Variants in DNAJA1 observed in about 807,000 individuals in gnomAD.
DNAJA1 encodes dnaJ homolog subfamily A member 1.
DNAJA1 carries 26 observed loss-of-function variants against 47.6 expected under a neutral mutation model. The ratio of observed to expected loss-of-function variants is 0.55; its 90% CI spans 0.40 to 0.76. The LOEUF (loss-of-function observed/expected upper bound fraction) is 0.76, where lower values mean the gene tolerates loss of function less well. Among genes scored for constraint, DNAJA1 ranks in the 30% least tolerant of loss-of-function variants. The probability of loss-of-function intolerance (pLI) is 0.00; values close to 1 mark genes in which losing one functional copy is unlikely to be tolerated. For missense variants in DNAJA1, 315 were observed against 485.0 expected (o/e 0.65, Z 3.29); for synonymous variants, 165 against 158.4 (o/e 1.04, Z -0.31).
chr9:33,036,752 TAAC>T, intron 7 of DNAJA1, 63 bp downstream of exon 7: 1 of 1,261,648 alleles, frequency 7.9e-7, no homozygotes, highest in East Asian at 2.4e-5. Flanking sequence ...TGTCTCCTGT[TAAC>T]AAAGTGTAGT....
intron 5 of DNAJA1, among the ~76,000 whole-genome samples, 190 bp from the exon 6 acceptor site, chr9:33,034,026 T>C (rs1016882615): frequency 6.6e-6 from 1 of 152,190 alleles, no homozygotes; most frequent in South Asian, 2.1e-4. Flanking sequence ...GCTAGTCTCT[T>C]TGCCTCTGGA....
intron 3 of DNAJA1, among the ~76,000 whole-genome samples, chr9:33,027,973 T>C (rs1034833774): frequency 1.5e-5 from 2 of 135,784 alleles, no homozygotes; most frequent in Admixed American, 8.7e-5. Flanking sequence ...TGCAGTGAGC[T>C]GAGATCGCCC....
intron 8 of DNAJA1, among the ~76,000 whole-genome samples, chr9:33,038,336 T>C (rs1024088716): frequency 6.6e-6 from 1 of 152,182 alleles, no homozygotes; most frequent in Non-Finnish European, 1.5e-5. Flanking sequence ...AACTACCCTT[T>C]TGAGAGTAAG....
At chr9:33,026,665 G>A in intron 2 of DNAJA1, 49 bp downstream of exon 2, 1 of 1,576,020 alleles carries the variant, frequency 6.3e-7, no homozygotes, top group South Asian at 1.2e-5. Flanking sequence ...TTTGCCAGAC[G>A]TATAGTATTT....
intron 4 of DNAJA1, among the ~76,000 whole-genome samples, 179 bp downstream of exon 4, chr9:33,030,168 A>G (rs10971344): frequency 0.07 from 10,715 of 152,244 alleles, 512 homozygotes; most frequent in Non-Finnish European, 0.11. Context: ...ACCTAAAGAA[A>G]TATCAGCACT....
At chr9:33,031,788 A>G (rs2119386741) in intron 5 of DNAJA1, among the ~76,000 whole-genome samples, 1 of 152,278 alleles carries the variant, frequency 6.6e-6, no homozygotes, top group Non-Finnish European at 1.5e-5. Flanking sequence ...CCCATCTATT[A>G]TATTTAAATG....
At chr9:33,026,326 AT>A in intron 1 of DNAJA1, 148 bp from the exon 2 acceptor site, 1 of 702,668 alleles carries the variant, frequency 1.4e-6, no homozygotes, top group Admixed American at 3.8e-5. Context: ...TAGCTGAATT[AT>A]CGCAGGAATT....
intron 5 of DNAJA1, 119 bp downstream of exon 5, chr9:33,030,786 A>T (rs1838948767): frequency 1.1e-6 from 1 of 905,750 alleles, no homozygotes. Flanking sequence ...TCAATCAGAA[A>T]TAACTCTTAG....
intron 3 of DNAJA1, 115 bp from the exon 4 acceptor site, chr9:33,029,770 T>C: frequency 1.4e-6 from 1 of 735,990 alleles, no homozygotes; most frequent in South Asian, 1.9e-5. Context: ...AGTCAACAGA[T>C]GTACCCTGTG....
At chr9:33,029,470 G>C (rs4879659) in intron 3 of DNAJA1, among the ~76,000 whole-genome samples, 38,284 of 152,166 alleles carry the variant, frequency 0.25, 4,940 homozygotes, top group Middle Eastern at 0.31. Context: ...AGAATTTTTG[G>C]ATGAAGTAAT....
chr9:33,030,201 A>G (rs542685908), intron 4 of DNAJA1, among the ~76,000 whole-genome samples: 17 of 152,200 alleles, frequency 1.1e-4, no homozygotes, highest in Admixed American at 2.0e-4. Flanking sequence ...TATTTTAAAT[A>G]CAGTTGGGAT....
At chr9:33,027,797 C>T (rs925802994) in intron 3 of DNAJA1, among the ~76,000 whole-genome samples, 5 of 151,876 alleles carry the variant, frequency 3.3e-5, no homozygotes, top group East Asian at 2.0e-4. Flanking sequence ...TTGCAGCGAA[C>T]GGAGGTCACG....
intron 8 of DNAJA1, 95 bp from the exon 9 acceptor site, chr9:33,038,590 G>A (rs546573465): frequency 1.6e-5 from 17 of 1,094,966 alleles, no homozygotes; most frequent in Admixed American, 9.9e-5. Flanking sequence ...TAAATATTAC[G>A]TGTTTACATG....
chr9:33,035,063 G>A (rs541697843), intron 6 of DNAJA1, among the ~76,000 whole-genome samples: 1 of 146,930 alleles, frequency 6.8e-6, no homozygotes, highest in African/African-American at 2.5e-5. Context: ...TTTTAATGGA[G>A]TGGAGGTGAA....
intron 5 of DNAJA1, among the ~76,000 whole-genome samples, 186 bp downstream of exon 5, chr9:33,030,853 C>G (rs1283402243): frequency 6.6e-6 from 1 of 152,120 alleles, no homozygotes; most frequent in Non-Finnish European, 1.5e-5. Flanking sequence ...TGGTATATTA[C>G]TAATACAGAA....
Position 33,038,668 on chromosome 9 carries a change from G to A in DNAJA1, c.976-17G>A. On this transcript the variant is annotated splice_polypyrimidine_tract_variant and intron_variant, in intron 8 of 8. Transcript: ENST00000330899. ...TAATGATGAAATCAGATTGAACAGT[G>A]AAAGTTTCTTTTGAAGGTAAACTTT... The A allele has an allele frequency of 4.3e-6, 7 of 1,610,876 alleles. No individual in the cohort carries two copies. The highest frequency in any genetic ancestry group is 5.9e-6 in the Non-Finnish European group (7 of 1,177,898).
chr9:33,026,694 G>T, intron 2 of DNAJA1, 78 bp downstream of exon 2: 2 of 1,563,090 alleles, frequency 1.3e-6, no homozygotes, highest in South Asian at 2.4e-5. Context: ...GCCTGAAATC[G>T]AGTATCTAAT....
At position 33,036,558 on chromosome 9, in the gene DNAJA1, G is replaced by A. The variant is rs201272412; in HGVS notation, c.759-16G>A. 34 of 1,517,830 alleles carry A rather than the reference G, an allele frequency of 2.2e-5. 2 individuals carry two copies. In the Admixed American group the frequency reaches 6.2e-4, roughly 28 times the overall value. 94.0% of individuals were successfully genotyped at this position (1,517,830 alleles called of 1,614,324 possible). A position where few individuals can be genotyped will look rare whatever the true frequency, so the allele number is the denominator to read the frequency against. On this transcript the variant is annotated splice_polypyrimidine_tract_variant and intron_variant, in intron 6 of 8. Coordinates refer to ENST00000330899, the MANE Select transcript of DNAJA1 (RefSeq NM_001539.4). ...CGTGATTTGAAAAATATAAATATGT[G>A]TCATATTTTATGCAGACGAGGAGAA...
intron 6 of DNAJA1, 80 bp downstream of exon 6, chr9:33,034,410 T>A (rs545991651): frequency 9.9e-5 from 106 of 1,074,168 alleles, no homozygotes; most frequent in Non-Finnish European, 1.1e-4. Flanking sequence ...TTGTTTTTTT[T>A]AAAGTGTTTT....
Sources: gnomAD v4.1 joint callset for allele counts (sites outside exome capture counted in the v4.1 genomes callset) on GRCh38, gnomAD v4.1.1 for gene constraint, MANE v1.5 for transcripts, NCBI Gene and HGNC (gene_info 2026-07-23, HGNC 2026-07-21) for gene names.